The following ADGRL2 variants were observed in gnomAD, a reference collection of about 807,000 sequenced individuals.
ADGRL2 encodes calcium-independent alpha-latrotoxin receptor 2.
A neutral mutation model predicts 157.4 loss-of-function variants in ADGRL2; 44 were observed. The ratio of observed to expected loss-of-function variants is 0.28; its 90% CI spans 0.22 to 0.36. The LOEUF (loss-of-function observed/expected upper bound fraction) is 0.36, where lower values mean the gene tolerates loss of function less well. ADGRL2 is among the 10% of genes least tolerant of loss of function. The probability of loss-of-function intolerance (pLI) is 1.00; values close to 1 mark genes in which losing one functional copy is unlikely to be tolerated. For missense variants in ADGRL2, 1,510 were observed against 1,768.9 expected, an observed-to-expected ratio of 0.85 and a Z score of 2.63; for synonymous variants, 585 against 624.7, an observed-to-expected ratio of 0.94 and a Z score of 0.95.
intron 2 of ADGRL2, among the ~76,000 whole-genome samples, chr1:81,791,529 CA>C (rs2087346150): frequency 6.7e-6 from 1 of 150,260 alleles, no homozygotes; most frequent in Admixed American, 6.7e-5. Context: ...GGAGGGGTAA[CA>C]AAATTGAAAT....
intron 2 of ADGRL2, among the ~76,000 whole-genome samples, chr1:81,505,337 C>A (rs1170268476): frequency 6.6e-6 from 1 of 151,288 alleles, no homozygotes; most frequent in Admixed American, 6.6e-5. Context: ...GCACTGGGCC[C>A]ATTTGAAGGT....
chr1:81,794,437 C>T (rs943270672), intron 2 of ADGRL2, among the ~76,000 whole-genome samples: 1 of 152,052 alleles, frequency 6.6e-6, no homozygotes, highest in East Asian at 1.9e-4. Context: ...TAAAACCATT[C>T]GAAGAATATA....
At chr1:81,573,878 G>A (rs2080745053) in intron 2 of ADGRL2, among the ~76,000 whole-genome samples, 1 of 152,144 alleles carries the variant, frequency 6.6e-6, no homozygotes, top group Non-Finnish European at 1.5e-5. Flanking sequence ...GGTTGGAGAA[G>A]ACACATAGTC....
At chr1:81,771,781 T>G (rs1406256955) in intron 2 of ADGRL2, among the ~76,000 whole-genome samples, 1 of 151,540 alleles carries the variant, frequency 6.6e-6, no homozygotes, top group Non-Finnish European at 1.5e-5. Flanking sequence ...CAGTTAGAAA[T>G]CACAAACACA....
At chr1:81,373,940 A>C (rs72713444) in intron 1 of ADGRL2, among the ~76,000 whole-genome samples, 1 of 152,338 alleles carries the variant, frequency 6.6e-6, no homozygotes, top group Non-Finnish European at 1.5e-5. Context: ...GTGATCATGT[A>C]AAAATGTAGT....
intron 1 of ADGRL2, among the ~76,000 whole-genome samples, chr1:81,390,461 G>A (rs1384782430): frequency 6.6e-6 from 1 of 152,300 alleles, no homozygotes; most frequent in African/African-American, 2.4e-5. Context: ...AGAAAGAGAT[G>A]TAATACATGT....
At chr1:81,844,239 G>A (rs2092704016) in intron 2 of ADGRL2, among the ~76,000 whole-genome samples, 1 of 152,098 alleles carries the variant, frequency 6.6e-6, no homozygotes, top group African/African-American at 2.4e-5. Flanking sequence ...TATTTTTATA[G>A]TTTGAAAGAA....
At chr1:81,655,416 G>A (rs182541860) in intron 3 of ADGRL2, among the ~76,000 whole-genome samples, 1 of 152,198 alleles carries the variant, frequency 6.6e-6, no homozygotes, top group Admixed American at 6.5e-5. Context: ...GTGGGAATGG[G>A]AATTCAAACC....
intron 2 of ADGRL2, among the ~76,000 whole-genome samples, chr1:81,894,642 G>A (rs1459093411): frequency 6.6e-6 from 1 of 151,748 alleles, no homozygotes; most frequent in Non-Finnish European, 1.5e-5. Context: ...ATGAAACATT[G>A]TTTAAAGGAA....
intron 15 of ADGRL2, 131 bp downstream of exon 15, chr1:81,969,518 C>T (rs577807853): frequency 1.6e-6 from 1 of 609,334 alleles, no homozygotes; most frequent in East Asian, 2.8e-5. Context: ...TATTGAAAGA[C>T]AATTTGTAGT....
intron 3 of ADGRL2, among the ~76,000 whole-genome samples, chr1:81,659,156 G>C (rs2082600646): frequency 6.8e-6 from 1 of 148,032 alleles, no homozygotes; most frequent in Non-Finnish European, 1.5e-5. Flanking sequence ...CCCCCTCCTG[G>C]GTTCACGTGA....
At chr1:81,593,718 A>T (rs2081177063) in intron 3 of ADGRL2, among the ~76,000 whole-genome samples, 1 of 152,206 alleles carries the variant, frequency 6.6e-6, no homozygotes, top group African/African-American at 2.4e-5. Flanking sequence ...CCCCAAGGAA[A>T]ATTCTGCAAA....
intron 2 of ADGRL2, chr1:81,502,001 C>T (rs1235731661): frequency 6.2e-7 from 1 of 1,606,728 alleles, no homozygotes; most frequent in South Asian, 1.1e-5. Context: ...CAGAGTTCCA[C>T]CCACCGCAGC....
intron 3 of ADGRL2, among the ~76,000 whole-genome samples, chr1:81,682,749 G>A (rs1474974047): frequency 3.9e-5 from 6 of 152,210 alleles, no homozygotes; most frequent in Admixed American, 3.9e-4. Context: ...GGACCTTGAA[G>A]GTCACCATTC....
At chr1:81,419,942 T>C (rs2101532312) in intron 1 of ADGRL2, among the ~76,000 whole-genome samples, 1 of 152,320 alleles carries the variant, frequency 6.6e-6, no homozygotes, top group Non-Finnish European at 1.5e-5. Context: ...CTGTAATTAG[T>C]CAAAGGATTA....
chr1:81,386,426 C>T (rs1247108322), intron 1 of ADGRL2, among the ~76,000 whole-genome samples: 4 of 152,162 alleles, frequency 2.6e-5, no homozygotes, highest in Non-Finnish European at 5.9e-5. Context: ...ATACATCCTT[C>T]TTCTTCCTCC....
chr1:81,768,072 A>T (rs1170242503), intron 2 of ADGRL2, among the ~76,000 whole-genome samples: 1 of 152,024 alleles, frequency 6.6e-6, no homozygotes, highest in African/African-American at 2.4e-5. Context: ...TAGAGACAAG[A>T]CCTCACTTTG....
intron 2 of ADGRL2, among the ~76,000 whole-genome samples, chr1:81,498,985 C>T (rs1180468327): frequency 6.6e-6 from 1 of 152,312 alleles, no homozygotes; most frequent in East Asian, 1.9e-4. Context: ...AGTCTTTTAG[C>T]TTGCCTTGAC....
intron 2 of ADGRL2, among the ~76,000 whole-genome samples, chr1:81,859,555 C>T (rs1215004321): frequency 6.6e-6 from 1 of 151,758 alleles, no homozygotes; most frequent in African/African-American, 2.4e-5. Flanking sequence ...TACATGTGTG[C>T]ACCACCACGC....
Sources: allele counts gnomAD v4.1 joint callset (sites outside exome capture counted in the v4.1 genomes callset), GRCh38; gene constraint gnomAD v4.1.1; transcripts MANE v1.5; gene names NCBI Gene and HGNC (gene_info 2026-07-23, HGNC 2026-07-21).